Variants in NRXN2 observed in about 807,000 individuals in gnomAD.
NRXN2 encodes neurexin 2, also known as neurexin-2-beta.
A neutral mutation model predicts 128.8 loss-of-function variants in NRXN2; 29 were observed. That is an observed-to-expected ratio of 0.23 (90% CI 0.17 to 0.31). The LOEUF (loss-of-function observed/expected upper bound fraction) is 0.31, where lower values mean the gene tolerates loss of function less well. Ranked by LOEUF, NRXN2 falls within the 10% of genes least tolerant of loss-of-function variation. NRXN2 has a pLI of 1.00. For synonymous variants in NRXN2, 1,098 were observed against 1,075.2 expected, an observed-to-expected ratio of 1.02 and a Z score of -0.41; for missense variants, 1,881 against 2,452.6, an observed-to-expected ratio of 0.77 and a Z score of 4.92.
intron 20 of NRXN2, among the ~76,000 whole-genome samples, chr11:64,625,192 G>A (rs1013995720): frequency 6.6e-6 from 1 of 152,226 alleles, no homozygotes; most frequent in Non-Finnish European, 1.5e-5. Context: ...AACAGGGCCT[G>A]TCCAGCTCTC....
In NRXN2 at chr11:64,607,506, G is replaced by T; in HGVS notation, c.4829C>A (p.Pro1610His). The change falls in exon 23 of 23, where the codon CCC becomes CAC. Residue 1610 changes from proline (P) to histidine (H), a missense_variant. This residue lies in a region of NRXN2 where 310 missense variants were observed against 318.2 expected (regional missense o/e 0.97). Transcript: ENST00000265459. Reference sequence around the variant, plus strand: ...CCCAGGCCCTGTGGGGTTGGCTGTGGGCAGATGGGGGAAGCCGGGGGCTGA... The same window carrying T: ...CCCAGGCCCTGTGGGGTTGGCTGTGTGCAGATGGGGGAAGCCGGGGGCTGA... ...VTSAPGFPHL[P>H]TANPTGPGER... 6.3e-7 allele frequency: 1 copy of T among 1,594,858 alleles called. No individual in the cohort carries two copies. The highest frequency in any genetic ancestry group is 2.2e-5 in the East Asian group (1 of 44,532).
At chr11:64,699,025 T>G (rs1203441804) in intron 2 of NRXN2, among the ~76,000 whole-genome samples, 5 of 152,210 alleles carry the variant, frequency 3.3e-5, no homozygotes, top group Non-Finnish European at 5.9e-5. Flanking sequence ...CAGTTCACAC[T>G]CACGCATGCA....
Position 64,631,313 on chromosome 11 carries a change from G to A in NRXN2, c.3586-740C>T, listed in dbSNP as rs1223227527. On this transcript the variant is annotated intron_variant, in intron 18 of 22. Transcript: ENST00000265459. The surrounding 1 kb of genome is among the most constrained non-coding windows in gnomAD (Gnocchi z 4.8). The stretch of plus-strand genomic sequence containing the variant: ...TTCGGGGTAGGGGGTGGAGCTAGGG[G>A]CTGGGGAAGGACAGGCAGAGGACAG... Among the ~76,000 whole-genome samples the A allele has an allele frequency of 1.3e-5, 2 of 152,040 alleles. No homozygotes were observed. Among genetic ancestry groups the A allele is most frequent in the Non-Finnish European group, 2.9e-5 (2 of 67,988 alleles).
Position 64,632,669 on chromosome 11 carries a change from G to A in NRXN2, c.3586-2096C>T, listed in dbSNP as rs1192461482. Among the ~76,000 whole-genome samples, 1 of 152,146 alleles carries A rather than the reference G, an allele frequency of 6.6e-6. No homozygotes were observed. Among genetic ancestry groups the A allele is most frequent in the Non-Finnish European group, 1.5e-5 (1 of 68,014 alleles). On this transcript the variant is annotated intron_variant, in intron 18 of 22. Coordinates refer to ENST00000265459, the MANE Select transcript of NRXN2 (RefSeq NM_015080.4). The surrounding 1 kb of genome is among the most constrained non-coding windows in gnomAD (Gnocchi z 4.2). The stretch of plus-strand genomic sequence containing the variant: ...GGACACCTGGGTTTCCTAGGAGGCA[G>A]TCAAGCTCAGGGCCCTGCACTCCGG...
chr11:64,650,101 C>T (rs2135450603), intron 15 of NRXN2, among the ~76,000 whole-genome samples: 1 of 152,232 alleles, frequency 6.6e-6, no homozygotes, highest in South Asian at 2.1e-4. Context: ...GCTAAGCTCC[C>T]TATTCTCACT....
chr11:64,609,388 A>G (rs902694077), intron 22 of NRXN2, among the ~76,000 whole-genome samples: 7 of 152,088 alleles, frequency 4.6e-5, no homozygotes, highest in Non-Finnish European at 8.8e-5. Flanking sequence ...AAGAAAATAC[A>G]TACACAGCCA....
chr11:64,697,757 C>T lies in NRXN2; in HGVS notation c.748+18G>A. ...GGCAACAGATCCACTACCCCAGTGA[C>T]AGAGAGGCTTCACTCACCTTCCATG... On this transcript the variant is annotated intron_variant, in intron 3 of 22. Coordinates refer to ENST00000265459, the MANE Select transcript of NRXN2 (RefSeq NM_015080.4). The T allele has an allele frequency of 1.2e-6, 2 of 1,613,742 alleles. No homozygotes were observed. The highest frequency in any genetic ancestry group is 8.5e-7 in the Non-Finnish European group (1 of 1,179,768).
intron 1 of NRXN2, among the ~76,000 whole-genome samples, chr11:64,721,380 G>A (rs920758299): frequency 1.7e-4 from 26 of 151,928 alleles, no homozygotes; most frequent in African/African-American, 5.6e-4. Flanking sequence ...CCCGGCAGCC[G>A]TGGCTGGTTG....
chr11:64,711,567 G>A (rs2135669286), intron 2 of NRXN2, among the ~76,000 whole-genome samples: 1 of 151,970 alleles, frequency 6.6e-6, no homozygotes, highest in African/African-American at 2.4e-5. Context: ...TCACGGTCTT[G>A]GCCAGACTCT....
At chr11:64,669,994 C>T (rs1323647042) in intron 7 of NRXN2, among the ~76,000 whole-genome samples, 1 of 152,058 alleles carries the variant, frequency 6.6e-6, no homozygotes, top group African/African-American at 2.4e-5. Flanking sequence ...AGCCATCTTC[C>T]AGCGACTGGT....
At chr11:64,617,039 G>A (rs2041640302) in intron 22 of NRXN2, among the ~76,000 whole-genome samples, 1 of 152,304 alleles carries the variant, frequency 6.6e-6, no homozygotes. Flanking sequence ...AGTCTCAACA[G>A]GTGTGTATCT....
At position 64,648,075 on chromosome 11, in the gene NRXN2, T is replaced by G; in HGVS notation, c.3403+144A>C. 1 of 1,204,178 alleles carries G rather than the reference T, an allele frequency of 8.3e-7. No homozygotes were observed. Among genetic ancestry groups the G allele is most frequent in the Non-Finnish European group, 1.2e-6 (1 of 836,996 alleles). The allele number at this position is 1,204,178 out of a possible 1,614,324, so 74.6% of individuals were successfully genotyped here. ...AGGGGACAGCAGGCCACAGCTCCCC[T>G]GGGACTCTGCAGACAAGGGATGAGA... On this transcript the variant is annotated intron_variant, in intron 17 of 22. Transcript: ENST00000265459. The surrounding 1 kb of genome is among the most constrained non-coding windows in gnomAD (Gnocchi z 4.1).
At chr11:64,709,926 G>C (rs3850945) in intron 2 of NRXN2, among the ~76,000 whole-genome samples, 17 of 55,478 alleles carry the variant, frequency 3.1e-4, no homozygotes, top group Non-Finnish European at 4.6e-4. Context: ...TTTTTTTTTT[G>C]AGATGGAGTC....
rs2050009020 is a variant in NRXN2, at chr11:64,667,287, C to T, written c.1761G>A (p.Glu587=). Residue 587 remains glutamate (E), a synonymous_variant, in exon 9 of 23, where the codon GAG becomes GAA. Coordinates refer to ENST00000265459, the MANE Select transcript of NRXN2 (RefSeq NM_015080.4). This position sits in a 1 kb window ranked among gnomAD's most constrained non-coding sequence, Gnocchi z 5.6. ...RASSRKVNDG[E]WCHVDFQRDG... is the part of the protein sequence containing the mutation. ...CCCTCTGGAAGTCCACGTGACACCA[C>T]TCGCCATCATTGACCTTGCGGCTGG... is the stretch of plus-strand genomic sequence containing the variant. 3 of 1,614,266 alleles carry T rather than the reference C, an allele frequency of 1.9e-6. No homozygotes were observed. Among genetic ancestry groups the T allele is most frequent in the Non-Finnish European group, 2.5e-6 (3 of 1,180,052 alleles).
At chr11:64,629,799 T>A (rs921505504) in intron 19 of NRXN2, among the ~76,000 whole-genome samples, 2 of 152,160 alleles carry the variant, frequency 1.3e-5, no homozygotes, top group Non-Finnish European at 2.9e-5. Context: ...CACTTGTCTC[T>A]TCCTCCCTTT....
At chr11:64,702,287 C>A (rs868852275) in intron 2 of NRXN2, among the ~76,000 whole-genome samples, 1 of 152,222 alleles carries the variant, frequency 6.6e-6, no homozygotes, top group African/African-American at 2.4e-5. Context: ...GGCCACCACC[C>A]GTCTGGGAGG....
In NRXN2 at chr11:64,723,085, C is replaced by A; in HGVS notation, c.-359G>T. 1 of 152,120 alleles carries A rather than the reference C, an allele frequency of 6.6e-6. No individual in the cohort carries two copies. The highest frequency in any genetic ancestry group is 1.8e-4 in the South Asian group (1 of 5,552). The allele number at this position is 152,120 out of a possible 1,614,324, so 9.4% of individuals were successfully genotyped here. On this transcript the variant is annotated 5_prime_UTR_variant, in exon 1 of 23. Transcript: ENST00000265459. The stretch of plus-strand genomic sequence containing the variant: ...GTGTCTGCCGCCTCGCGCCTCTCTC[C>A]CTCCCCGCCGCGTCCCCGCCCGCCC...
chr11:64,649,993 C>T (rs1262247007), intron 15 of NRXN2, among the ~76,000 whole-genome samples: 1 of 152,084 alleles, frequency 6.6e-6, no homozygotes, highest in Non-Finnish European at 1.5e-5. Flanking sequence ...TCCAAAATGT[C>T]CCCAAGCTAG....
chr11:64,643,294 G>A, intron 17 of NRXN2: 1 of 979,718 alleles, frequency 1.0e-6, no homozygotes, highest in Non-Finnish European at 1.2e-6. Flanking sequence ...CGGCGACTGG[G>A]GCCGGCCGCG....
Sources: allele counts gnomAD v4.1 joint callset (sites outside exome capture counted in the v4.1 genomes callset), GRCh38; gene constraint gnomAD v4.1.1; regional missense constraint gnomAD v4.1.1; non-coding constraint Gnocchi (gnomAD v3.1); transcripts MANE v1.5; gene names NCBI Gene and HGNC (gene_info 2026-07-23, HGNC 2026-07-21).